Variants in CELF2 observed in about 807,000 individuals in gnomAD.
The protein encoded by CELF2 is CUGBP Elav-like family member 2.
In CELF2, 8 loss-of-function variants were observed where a neutral mutation model predicts 62.6. That is an observed-to-expected ratio of 0.13 (90% CI 0.07 to 0.23). CELF2 has a LOEUF of 0.23. Among genes scored for constraint, CELF2 ranks in the 10% least tolerant of loss-of-function variants. The pLI, the probability that CELF2 is intolerant of heterozygous loss-of-function variation, is 1.00. For missense variants in CELF2, 333 were observed against 671.0 expected (o/e 0.50, Z 5.56); for synonymous variants, 258 against 250.0 (o/e 1.03, Z -0.30).
At chr10:10,738,342 A>T in the CELF2 span, among the ~76,000 whole-genome samples, 1 of 152,216 alleles carries the variant, frequency 6.6e-6, no homozygotes, top group Non-Finnish European at 1.5e-5. Flanking sequence ...TAAATGTAGG[A>T]TGTACATAGT....
At chr10:10,511,438 A>G in the CELF2 span, among the ~76,000 whole-genome samples, 1 of 151,948 alleles carries the variant, frequency 6.6e-6, no homozygotes, top group Admixed American at 6.6e-5. Context: ...AATAAAATAT[A>G]TGTATACATA....
At chr10:10,620,300 A>C in the CELF2 span, among the ~76,000 whole-genome samples, 1 of 152,018 alleles carries the variant, frequency 6.6e-6, no homozygotes, top group Non-Finnish European at 1.5e-5. Context: ...CAGGAGGCTG[A>C]GGTAGAGGGA....
chr10:10,640,472 C>T, the CELF2 span, among the ~76,000 whole-genome samples: 2 of 152,198 alleles, frequency 1.3e-5, no homozygotes, highest in African/African-American at 4.8e-5. Context: ...TCCCCTCCTC[C>T]CACCACCAGG....
At chr10:11,294,902 T>A (rs1269430171) in intron 9 of CELF2, among the ~76,000 whole-genome samples, 1 of 152,230 alleles carries the variant, frequency 6.6e-6, no homozygotes, top group Non-Finnish European at 1.5e-5. Context: ...AGAGTGAGGC[T>A]CTTTCTCAAC....
intron 1 of CELF2, among the ~76,000 whole-genome samples, chr10:10,828,350 GA>G (rs2132156994): frequency 6.6e-6 from 1 of 152,308 alleles, no homozygotes; most frequent in African/African-American, 2.4e-5. Flanking sequence ...GGGGAATTCT[GA>G]CCCATGCTAC....
At chr10:10,503,706 C>CATTTA in the CELF2 span, among the ~76,000 whole-genome samples, 1 of 151,834 alleles carries the variant, frequency 6.6e-6, no homozygotes, top group Admixed American at 6.6e-5. Context: ...AGATCATTTA[C>CATTTA]ATTTAATTTA....
rs1202688875 is a variant in CELF2 at position 11,311,607 on chromosome 10, GA to G, written c.977-2527del. Among the ~76,000 whole-genome samples, 2 of 151,952 alleles carry G rather than the reference GA, an allele frequency of 1.3e-5. No individual in the cohort carries two copies. The highest frequency in any genetic ancestry group is 3.9e-4 in the East Asian group (2 of 5,180). On this transcript the variant is annotated intron_variant, in intron 9 of 12. Coordinates refer to ENST00000633077, the MANE Select transcript of CELF2 (RefSeq NM_001326342.2). This position sits in a 1 kb window ranked among gnomAD's most constrained non-coding sequence, Gnocchi z 4.7. Reference sequence around the variant, plus strand: ...TACATATTAAAAGAATTTGAAAAGCGAAAAAGCCACTGATTATGAAAAATGA... The same window carrying G: ...TACATATTAAAAGAATTTGAAAAGCGAAAAGCCACTGATTATGAAAAATGA...
At chr10:10,773,026 G>T in the CELF2 span, among the ~76,000 whole-genome samples, 1 of 152,088 alleles carries the variant, frequency 6.6e-6, no homozygotes, top group Non-Finnish European at 1.5e-5. Context: ...ACATTTGAAT[G>T]GGGGGGACAG....
Position 11,165,396 on chromosome 10 carries a change from C to T in CELF2, c.75-90C>T. The T allele has an allele frequency of 6.5e-7, 1 of 1,530,930 alleles. No homozygotes were observed. Among genetic ancestry groups the T allele is most frequent in the Non-Finnish European group, 8.8e-7 (1 of 1,139,616 alleles). The allele number at this position is 1,530,930 out of a possible 1,614,324, so 94.8% of individuals were successfully genotyped here. A position where few individuals can be genotyped will look rare whatever the true frequency, so the allele number is the denominator to read the frequency against. On this transcript the variant is annotated intron_variant, in intron 1 of 12. Transcript: ENST00000633077. This position sits in a 1 kb window ranked among gnomAD's most constrained non-coding sequence, Gnocchi z 7.4. ...GCCACTGCTCTTCTTCCTCCTCCTT[C>T]CGCCTCCCCGCTCCCCCACCCCCAC...
In CELF2 at chr10:11,290,175, C is replaced by T. The variant is rs569912210; in HGVS notation, c.976+1623C>T. On this transcript the variant is annotated intron_variant, in intron 9 of 12. Coordinates refer to ENST00000633077, the MANE Select transcript of CELF2 (RefSeq NM_001326342.2). The surrounding 1 kb of genome is among the most constrained non-coding windows in gnomAD (Gnocchi z 4.3). Reference sequence around the variant, plus strand: ...GCAGGACAGATGTGCTGCCTACCTTCGGGAGTCCTTCAGTCCTTCAGGGAC... The same window carrying T: ...GCAGGACAGATGTGCTGCCTACCTTTGGGAGTCCTTCAGTCCTTCAGGGAC... Among the ~76,000 whole-genome samples the T allele has an allele frequency of 2.6e-5, 4 of 152,262 alleles. No homozygotes were observed. Among genetic ancestry groups the T allele is most frequent in the East Asian group, 3.9e-4 (2 of 5,180 alleles).
chr10:10,683,569 G>A, the CELF2 span, among the ~76,000 whole-genome samples: 1 of 152,200 alleles, frequency 6.6e-6, no homozygotes, highest in Non-Finnish European at 1.5e-5. Context: ...CAAGGGGCAA[G>A]AGGAATAACA....
chr10:10,961,877 T>C (rs1325471174), intron 2 of CELF2, among the ~76,000 whole-genome samples: 10 of 152,044 alleles, frequency 6.6e-5, no homozygotes, highest in Non-Finnish European at 1.5e-5. Flanking sequence ...CCCTCAGATC[T>C]TTTTTTCCCA....
intron 3 of CELF2, among the ~76,000 whole-genome samples, chr10:11,236,875 G>T (rs1341046022): frequency 4.6e-5 from 7 of 152,222 alleles, no homozygotes; most frequent in Non-Finnish European, 7.3e-5. Context: ...TGGAATAGGG[G>T]GTTGCCTGAT....
chr10:11,273,756 C>T (rs912549715), intron 7 of CELF2, among the ~76,000 whole-genome samples: 1 of 150,794 alleles, frequency 6.6e-6, no homozygotes, highest in Non-Finnish European at 1.5e-5. Flanking sequence ...GAGTCTTGCT[C>T]TGTTGCCCAG....
At chr10:10,608,091 G>A in the CELF2 span, among the ~76,000 whole-genome samples, 1 of 152,160 alleles carries the variant, frequency 6.6e-6, no homozygotes, top group Non-Finnish European at 1.5e-5. Flanking sequence ...TAGCGCCATT[G>A]TACTCCAGCC....
At chr10:10,465,762 G>C in the CELF2 span, among the ~76,000 whole-genome samples, 12 of 152,186 alleles carry the variant, frequency 7.9e-5, no homozygotes, top group Non-Finnish European at 1.6e-4. Flanking sequence ...TGGGTAACTT[G>C]TAAGGAAAAG....
At chr10:11,056,916 G>T (rs2065379062) in intron 1 of CELF2, among the ~76,000 whole-genome samples, 2 of 152,222 alleles carry the variant, frequency 1.3e-5, no homozygotes, top group Admixed American at 1.3e-4. Context: ...AGGCCCACAG[G>T]AGGAAAATCC....
chr10:11,169,400 C>A (rs535628874), intron 2 of CELF2, among the ~76,000 whole-genome samples: 21 of 152,258 alleles, frequency 1.4e-4, no homozygotes, highest in African/African-American at 4.8e-4. Flanking sequence ...GCATCTTTAC[C>A]AAATCTTGAA....
chr10:10,603,380 C>CAATG, the CELF2 span, among the ~76,000 whole-genome samples: 1 of 152,062 alleles, frequency 6.6e-6, no homozygotes, highest in Admixed American at 6.6e-5. Flanking sequence ...CATTTCTAGG[C>CAATG]AATGCATTCC....
Sources: allele counts gnomAD v4.1 joint callset (sites outside exome capture counted in the v4.1 genomes callset), GRCh38; gene constraint gnomAD v4.1.1; non-coding constraint Gnocchi (gnomAD v3.1); transcripts MANE v1.5; gene names NCBI Gene and HGNC (gene_info 2026-07-23, HGNC 2026-07-21).